The following MGAT4A variants were observed in gnomAD, a reference collection of about 807,000 sequenced individuals.
MGAT4A encodes alpha-1,3-mannosyl-glycoprotein 4-beta-N-acetylglucosaminyltransferase A.
MGAT4A carries 33 observed loss-of-function variants against 74.1 expected under a neutral mutation model. The ratio of observed to expected loss-of-function variants is 0.45; its 90% CI spans 0.34 to 0.60. The LOEUF (loss-of-function observed/expected upper bound fraction) is 0.60. Among genes scored for constraint, MGAT4A ranks in the 20% least tolerant of loss-of-function variants. The pLI, the probability that MGAT4A is intolerant of heterozygous loss-of-function variation, is 0.02. For missense variants in MGAT4A, 479 were observed against 628.3 expected (o/e 0.76, Z 2.54); for synonymous variants, 198 against 210.4 (o/e 0.94, Z 0.51).
In MGAT4A at chr2:98,648,082, AATACTCTGTAGATGACAATGAACTCACT is replaced by A. The variant is rs772356838; in HGVS notation, c.775-2568_775-2541del. On this transcript the variant is annotated intron_variant, in intron 8 of 15. Transcript: ENST00000393487. The stretch of plus-strand genomic sequence containing the variant: ...TTTAGGCTAATATGTTTTTCCCACT[AATACTCTGTAGATGACAATGAACTCACT>A]GAGAGAATTCCACATAATAAGCGTA... Among the ~76,000 whole-genome samples the A allele has an allele frequency of 3.4e-3, 516 of 152,338 alleles. 1 individual carries two copies. The highest frequency in any genetic ancestry group is 6.1e-3 in the Non-Finnish European group (412 of 68,020).
At chr2:98,660,418 G>GCGCGCA (rs1282817406) in intron 5 of MGAT4A, among the ~76,000 whole-genome samples, 2 of 141,642 alleles carry the variant, frequency 1.4e-5, no homozygotes, top group Non-Finnish European at 3.0e-5. Context: ...ACACGCACGC[G>GCGCGCA]CACACACACA....
At chr2:98,678,745 T>C (rs1282105583) in intron 2 of MGAT4A, among the ~76,000 whole-genome samples, 1 of 152,098 alleles carries the variant, frequency 6.6e-6, no homozygotes, top group Admixed American at 6.5e-5. Flanking sequence ...TAATTAAAGA[T>C]GGATAAAATG....
intron 2 of MGAT4A, among the ~76,000 whole-genome samples, chr2:98,716,613 A>G (rs1702595322): frequency 6.6e-6 from 1 of 152,232 alleles, no homozygotes; most frequent in South Asian, 2.1e-4. Context: ...CTACAGAGCG[A>G]AACTCCATCT....
In MGAT4A at chr2:98,620,530, ACTT is replaced by A. The variant is rs1027998043; in HGVS notation, c.*5033_*5035del. ...AAATTAATGGACAAACCAAAATAAAACTTCATTAGCTATTAATGGCTTGGAAGC... is the reference window on the plus strand; with the variant it reads ...AAATTAATGGACAAACCAAAATAAAACATTAGCTATTAATGGCTTGGAAGC... On this transcript the variant is annotated 3_prime_UTR_variant, in exon 16 of 16. Transcript: ENST00000393487. The A allele has an allele frequency of 1.3e-5, 2 of 152,280 alleles. No individual in the cohort carries two copies. Among genetic ancestry groups the A allele is most frequent in the African/African-American group, 4.8e-5 (2 of 41,578 alleles). 9.4% of individuals were successfully genotyped at this position (152,280 alleles called of 1,614,324 possible). A position where few individuals can be genotyped will look rare whatever the true frequency, so the allele number is the denominator to read the frequency against.
intron 13 of MGAT4A, 152 bp downstream of exon 13, chr2:98,636,365 A>T (rs989490612): frequency 1.7e-6 from 1 of 593,802 alleles, no homozygotes; most frequent in African/African-American, 1.9e-5. Flanking sequence ...CAAATATAAA[A>T]GTGCTTCATA....
At chr2:98,718,428 G>C (rs1374770998) in intron 2 of MGAT4A, among the ~76,000 whole-genome samples, 1 of 152,200 alleles carries the variant, frequency 6.6e-6, no homozygotes, top group Non-Finnish European at 1.5e-5. Flanking sequence ...CCTGAAAACT[G>C]TCTCAAGGAC....
At chr2:98,662,943 AT>A in intron 5 of MGAT4A, 102 bp downstream of exon 5, 1 of 947,226 alleles carries the variant, frequency 1.1e-6, no homozygotes, top group Non-Finnish European at 1.5e-6. Context: ...TACTCATCAC[AT>A]TTTTTAAAAA....
chr2:98,664,831 C>T (rs1344622933), intron 4 of MGAT4A, among the ~76,000 whole-genome samples: 5 of 152,158 alleles, frequency 3.3e-5, no homozygotes, highest in Middle Eastern at 3.4e-3. Context: ...CATTTTTTTG[C>T]ACCATTTTCA....
At chr2:98,685,667 G>C (rs1230595705) in intron 2 of MGAT4A, among the ~76,000 whole-genome samples, 1 of 152,204 alleles carries the variant, frequency 6.6e-6, no homozygotes, top group African/African-American at 2.4e-5. Context: ...ATTCTAATTA[G>C]AATGGATAGC....
At chr2:98,660,057 A>G (rs1231556420) in intron 5 of MGAT4A, among the ~76,000 whole-genome samples, 1 of 152,226 alleles carries the variant, frequency 6.6e-6, no homozygotes, top group African/African-American at 2.4e-5. Context: ...AAAACAATAT[A>G]CAAACATCGG....
chr2:98,657,227 C>T (rs1057388173), intron 6 of MGAT4A, among the ~76,000 whole-genome samples: 2 of 152,178 alleles, frequency 1.3e-5, no homozygotes, highest in African/African-American at 4.8e-5. Context: ...TTGCAAATCT[C>T]CACAAAATGC....
At chr2:98,729,777 CCA>C (rs1575288252) in intron 1 of MGAT4A, among the ~76,000 whole-genome samples, 1 of 152,174 alleles carries the variant, frequency 6.6e-6, no homozygotes, top group African/African-American at 2.4e-5. Context: ...AATCAGCATC[CCA>C]CAGACAGGGT....
chr2:98,729,965 T>A (rs1702821422), intron 1 of MGAT4A, among the ~76,000 whole-genome samples: 1 of 152,254 alleles, frequency 6.6e-6, no homozygotes, highest in Non-Finnish European at 1.5e-5. Context: ...CATCGCCCAG[T>A]GCGTTTTCGG....
At chr2:98,723,548 T>C (rs72825785) in intron 2 of MGAT4A, among the ~76,000 whole-genome samples, 471 of 152,320 alleles carry the variant, frequency 3.1e-3, no homozygotes, top group Non-Finnish European at 5.2e-3. Context: ...GTTGGTGCGC[T>C]GTTGGGGTTT....
intron 2 of MGAT4A, among the ~76,000 whole-genome samples, chr2:98,681,133 C>A (rs530238718): frequency 2.6e-5 from 4 of 152,156 alleles, no homozygotes; most frequent in African/African-American, 7.2e-5. Flanking sequence ...CAGGCGCCCG[C>A]CACCATGCCC....
At chr2:98,693,162 T>C (rs1445145336) in intron 2 of MGAT4A, among the ~76,000 whole-genome samples, 1 of 151,986 alleles carries the variant, frequency 6.6e-6, no homozygotes, top group African/African-American at 2.4e-5. Context: ...TTTTAAGCAC[T>C]AAAAGAAAAG....
chr2:98,720,186 G>C lies in MGAT4A; in HGVS notation c.94+6053C>G, dbSNP rs189583502. The stretch of plus-strand genomic sequence containing the variant: ...GGTTAATTTTATGTGTCAATCTCAC[G>C]GGGCTAAGGAATGCCCAGACAGCTG... On this transcript the variant is annotated intron_variant, in intron 2 of 15. Transcript: ENST00000393487. Among the ~76,000 whole-genome samples the C allele has an allele frequency of 3.7e-3, 564 of 152,282 alleles. 2 individuals are homozygous for C. Among genetic ancestry groups the C allele is most frequent in the South Asian group, 0.011 (51 of 4,826 alleles).
chr2:98,722,247 C>A (rs750997081), intron 2 of MGAT4A, among the ~76,000 whole-genome samples: 2 of 152,112 alleles, frequency 1.3e-5, no homozygotes, highest in Non-Finnish European at 1.5e-5. Flanking sequence ...TAGAAACAAC[C>A]CAAAGTTCAC....
At chr2:98,646,293 C>T (rs193226207) in intron 8 of MGAT4A, among the ~76,000 whole-genome samples, 3 of 152,116 alleles carry the variant, frequency 2.0e-5, no homozygotes, top group East Asian at 3.9e-4. Flanking sequence ...CACCTTTAAG[C>T]GCCCAGATTG....
Sources: gnomAD v4.1 joint callset for allele counts (sites outside exome capture counted in the v4.1 genomes callset) on GRCh38, gnomAD v4.1.1 for gene constraint, MANE v1.5 for transcripts, NCBI Gene and HGNC (gene_info 2026-07-23, HGNC 2026-07-21) for gene names.